Variants in CTNNA2 observed in about 807,000 individuals in gnomAD.
CTNNA2 encodes the protein catenin alpha-2.
CTNNA2 carries 42 observed loss-of-function variants against 101.0 expected under a neutral mutation model. The ratio of observed to expected loss-of-function variants is 0.42; its 90% CI spans 0.32 to 0.54. The LOEUF is 0.54. Among genes scored for constraint, CTNNA2 ranks in the 20% least tolerant of loss-of-function variants. CTNNA2 has a pLI of 0.14. For synonymous variants in CTNNA2, 450 were observed against 456.4 expected (o/e 0.99, Z 0.18); for missense variants, 871 against 1,223.1 (o/e 0.71, Z 4.29).
chr2:79,950,990 G>T (rs1029443082), intron 7 of CTNNA2, among the ~76,000 whole-genome samples: 1 of 152,118 alleles, frequency 6.6e-6, no homozygotes, highest in African/African-American at 2.4e-5. Context: ...CTAAGAGTTT[G>T]CCAAAATATA....
chr2:79,426,196 G>T (rs984533279), intron 4 of CTNNA2, among the ~76,000 whole-genome samples: 1 of 152,226 alleles, frequency 6.6e-6, no homozygotes, highest in East Asian at 1.9e-4. Flanking sequence ...AACTCTTTGG[G>T]TGTGTCACAA....
intron 7 of CTNNA2, among the ~76,000 whole-genome samples, chr2:80,140,453 C>T (rs1371560697): frequency 1.3e-5 from 2 of 152,096 alleles, no homozygotes; most frequent in Admixed American, 1.3e-4. Context: ...CTTTTGGATC[C>T]AACATGGTCT....
rs527766598 is a variant in CTNNA2, at chr2:79,223,179, A to C, written c.-406+25103A>C. ...CATCTCTAAAATAAATGAATAAATAATACAAGAGGACCCAGAGAGCTCTCT... is the reference window on the plus strand; with the variant it reads ...CATCTCTAAAATAAATGAATAAATACTACAAGAGGACCCAGAGAGCTCTCT... On this transcript the variant is annotated intron_variant, in intron 2 of 21. Coordinates refer to the CTNNA2 transcript ENST00000466387. Among the ~76,000 whole-genome samples, 20 of 152,152 alleles carry C rather than the reference A, an allele frequency of 1.3e-4. No individual in the cohort carries two copies. The South Asian group carries it at 4.1e-3, about 32-fold the overall frequency.
intron 1 of CTNNA2, among the ~76,000 whole-genome samples, chr2:79,619,162 C>A (rs1305825459): frequency 6.6e-6 from 1 of 152,216 alleles, no homozygotes; most frequent in African/African-American, 2.4e-5. Flanking sequence ...GCCGAGATTG[C>A]ACCACTGCAC....
At chr2:79,631,222 C>T (rs1266923568) in intron 1 of CTNNA2, among the ~76,000 whole-genome samples, 1 of 152,110 alleles carries the variant, frequency 6.6e-6, no homozygotes, top group African/African-American at 2.4e-5. Context: ...CTTGATTTTC[C>T]TTTTATCTGT....
At chr2:79,838,852 G>T (rs1679586099) in intron 3 of CTNNA2, among the ~76,000 whole-genome samples, 1 of 151,972 alleles carries the variant, frequency 6.6e-6, no homozygotes, top group African/African-American at 2.4e-5. Context: ...TAAGATAAAT[G>T]ATAGAGACTC....
At chr2:80,393,436 T>A in intron 8 of CTNNA2, 145 bp downstream of exon 8, 1 of 609,182 alleles carries the variant, frequency 1.6e-6, no homozygotes, top group Non-Finnish European at 2.8e-6. Flanking sequence ...CCCCATTTTA[T>A]CGGCAAGGTA....
chr2:79,378,736 C>T lies in CTNNA2; in HGVS notation c.-135+4723C>T, dbSNP rs933246354. Among the ~76,000 whole-genome samples the T allele has an allele frequency of 2.6e-5, 4 of 152,180 alleles. No individual in the cohort carries two copies. In the East Asian group the frequency reaches 7.7e-4, roughly 29 times the overall value. On this transcript the variant is annotated intron_variant, in intron 4 of 21. Transcript: ENST00000466387. ...TGAGGTGCTTACATGAAGCAGAATGCCCAAATAACCATTTATAATGGAAAA... is the reference window on the plus strand; with the variant it reads ...TGAGGTGCTTACATGAAGCAGAATGTCCAAATAACCATTTATAATGGAAAA...
chr2:79,896,110 C>T (rs183233995), intron 6 of CTNNA2, among the ~76,000 whole-genome samples: 2 of 152,126 alleles, frequency 1.3e-5, no homozygotes, highest in East Asian at 3.9e-4. Flanking sequence ...TGGCAAAACG[C>T]TGTATCTACA....
chr2:79,521,779 G>A (rs1672133476), intron 1 of CTNNA2, among the ~76,000 whole-genome samples: 1 of 152,148 alleles, frequency 6.6e-6, no homozygotes, highest in Non-Finnish European at 1.5e-5. Flanking sequence ...TTTATTGTGG[G>A]AGAGTGTATG....
chr2:80,605,919 G>T (rs1290259359), intron 16 of CTNNA2, among the ~76,000 whole-genome samples: 1 of 151,770 alleles, frequency 6.6e-6, no homozygotes, highest in Non-Finnish European at 1.5e-5. Context: ...TAATTTCAGG[G>T]CAATATCAAC....
At chr2:79,874,389 C>CA (rs56849709) in intron 6 of CTNNA2, 47 bp downstream of exon 6, 60,159 of 1,210,424 alleles carry the variant, frequency 0.05, 1,292 homozygotes, top group African/African-American at 0.24. Flanking sequence ...CTGGTGTTGA[C>CA]AAAAAAAAAA....
chr2:79,305,276 A>G (rs1676207965), intron 2 of CTNNA2, among the ~76,000 whole-genome samples: 1 of 150,606 alleles, frequency 6.6e-6, no homozygotes, highest in Non-Finnish European at 1.5e-5. Flanking sequence ...ATATGCATAT[A>G]TGTAGATACG....
At chr2:80,252,943 T>C (rs913731975) in intron 7 of CTNNA2, among the ~76,000 whole-genome samples, 1 of 152,126 alleles carries the variant, frequency 6.6e-6, no homozygotes, top group Non-Finnish European at 1.5e-5. Flanking sequence ...GATGGTGATA[T>C]TGGTAACTGC....
rs192642807 is a variant in CTNNA2, at chr2:80,642,314, C to T, written c.2575-5271C>T. Among the ~76,000 whole-genome samples, 202 of 152,232 alleles carry T rather than the reference C, an allele frequency of 1.3e-3. 2 individuals carry two copies. Among genetic ancestry groups the T allele is most frequent in the African/African-American group, 4.2e-3 (175 of 41,546 alleles). Reference sequence around the variant, plus strand: ...CTTGACTCAAGGTAAATTGCTATTCCTTTTGTTCATTTAGCATCTCGCATC... The same window carrying T: ...CTTGACTCAAGGTAAATTGCTATTCTTTTTGTTCATTTAGCATCTCGCATC... On this transcript the variant is annotated intron_variant, in intron 18 of 18. Transcript: ENST00000402739.
At chr2:79,901,164 A>G (rs1004887944) in intron 6 of CTNNA2, among the ~76,000 whole-genome samples, 1 of 150,882 alleles carries the variant, frequency 6.6e-6, no homozygotes, top group African/African-American at 2.4e-5. Flanking sequence ...TCAGAAGGAC[A>G]TATTCCTTTG....
chr2:79,466,879 G>A (rs985134179), intron 4 of CTNNA2, among the ~76,000 whole-genome samples: 4 of 152,154 alleles, frequency 2.6e-5, no homozygotes, highest in Admixed American at 6.5e-5. Flanking sequence ...CCATCTGTAC[G>A]ACACCATCAT....
At chr2:80,061,551 A>G (rs1249424585) in intron 7 of CTNNA2, among the ~76,000 whole-genome samples, 3 of 152,240 alleles carry the variant, frequency 2.0e-5, no homozygotes, top group African/African-American at 4.8e-5. Flanking sequence ...CTAACTCACC[A>G]TCAGGGGACA....
intron 7 of CTNNA2, among the ~76,000 whole-genome samples, chr2:80,014,279 G>A (rs1417481729): frequency 6.6e-6 from 1 of 152,072 alleles, no homozygotes; most frequent in Non-Finnish European, 1.5e-5. Flanking sequence ...AGGAGGAAGG[G>A]AGCTAGAAAG....
Sources: gnomAD v4.1 joint callset for allele counts (sites outside exome capture counted in the v4.1 genomes callset) on GRCh38, gnomAD v4.1.1 for gene constraint, MANE v1.5 for transcripts, NCBI Gene and HGNC (gene_info 2026-07-23, HGNC 2026-07-21) for gene names.